METTL15: variants seen among roughly 807,000 people sequenced by gnomAD.
METTL15 encodes methyltransferase 15, mitochondrial 12S rRNA N4-cytidine.
Under a neutral mutation model 38.3 loss-of-function variants are expected in METTL15, and 34 were observed. The observed-to-expected ratio is 0.89, with a 90% confidence interval of 0.68 to 1.18. METTL15 has a LOEUF of 1.18. Ranked by LOEUF, METTL15 falls within the 50% of genes most tolerant of loss-of-function variation. The pLI, the probability that METTL15 is intolerant of heterozygous loss-of-function variation, is 0.00. For missense variants in METTL15, 438 were observed against 498.4 expected (o/e 0.88, Z 1.15); for synonymous variants, 162 against 170.9 (o/e 0.95, Z 0.41).
chr11:28,197,517 C>T (rs1160632404), intron 3 of METTL15: 4 of 446,218 alleles, frequency 9.0e-6, no homozygotes, highest in African/African-American at 4.0e-5. Flanking sequence ...TATTTATTTC[C>T]ATTTACACAC....
intron 6 of METTL15, among the ~76,000 whole-genome samples, chr11:28,442,778 G>A (rs1035558027): frequency 1.3e-5 from 2 of 151,926 alleles, no homozygotes; most frequent in Non-Finnish European, 2.9e-5. Context: ...GTTGGTTTTC[G>A]GTTGAGGGAA....
At chr11:28,116,751 A>G (rs572561021) in intron 3 of METTL15, among the ~76,000 whole-genome samples, 1 of 152,314 alleles carries the variant, frequency 6.6e-6, no homozygotes, top group African/African-American at 2.4e-5. Flanking sequence ...TAAATCCAGC[A>G]TTCTTTAAAA....
chr11:28,298,313 A>G (rs1394448693), intron 6 of METTL15, among the ~76,000 whole-genome samples: 1 of 152,112 alleles, frequency 6.6e-6, no homozygotes, highest in Non-Finnish European at 1.5e-5. Flanking sequence ...AAAGAAAAGC[A>G]GTGAGAAGTG....
intron 5 of METTL15, among the ~76,000 whole-genome samples, chr11:28,385,090 G>C (rs1850426773): frequency 6.6e-6 from 1 of 152,122 alleles, no homozygotes; most frequent in African/African-American, 2.4e-5. Context: ...CCATTATGTA[G>C]GTTGTCTGTT....
chr11:28,454,452 A>G (rs745632069), intron 6 of METTL15, among the ~76,000 whole-genome samples: 1 of 152,156 alleles, frequency 6.6e-6, no homozygotes, highest in African/African-American at 2.4e-5. Flanking sequence ...GCCTCTTGGG[A>G]GACATATTTA....
At position 28,443,418 on chromosome 11, in the gene METTL15, A is replaced by C. The variant is rs889215693; in HGVS notation, c.*424+19054A>C. Among the ~76,000 whole-genome samples, 3 of 152,246 alleles carry C rather than the reference A, an allele frequency of 2.0e-5. No homozygotes were observed. The South Asian group carries it at 6.2e-4, about 32-fold the overall frequency. ...TCTGTTCCCTATCTGTATGCTCTTC[A>C]TAGTGATATCATCAAGTCAGATGGC... On this transcript the variant is annotated intron_variant and NMD_transcript_variant, in intron 6 of 7. Transcript: ENST00000532947.
At chr11:28,200,987 C>T (rs1268221442) in intron 3 of METTL15, among the ~76,000 whole-genome samples, 1 of 152,036 alleles carries the variant, frequency 6.6e-6, no homozygotes, top group Non-Finnish European at 1.5e-5. Context: ...TTGTCTTGTA[C>T]TGGTTTTCAA....
intron 3 of METTL15, among the ~76,000 whole-genome samples, chr11:28,347,372 C>T (rs909717856): frequency 5.3e-5 from 8 of 152,190 alleles, no homozygotes; most frequent in Admixed American, 2.6e-4. Flanking sequence ...GCTGAACATA[C>T]GACCCAACCA....
At chr11:28,477,065 G>A (rs1030588264) in intron 6 of METTL15, among the ~76,000 whole-genome samples, 5 of 152,242 alleles carry the variant, frequency 3.3e-5, no homozygotes, top group East Asian at 1.9e-4. Context: ...GCTTAGCCAC[G>A]TTAATGGGAG....
chr11:28,342,665 C>A (rs1364963943), intron 3 of METTL15, among the ~76,000 whole-genome samples: 2 of 152,136 alleles, frequency 1.3e-5, no homozygotes, highest in East Asian at 3.9e-4. Context: ...ATAACCAAAT[C>A]AATAACAGGT....
intron 3 of METTL15, among the ~76,000 whole-genome samples, chr11:28,138,387 A>T (rs1264608878): frequency 6.6e-6 from 1 of 152,186 alleles, no homozygotes; most frequent in African/African-American, 2.4e-5. Flanking sequence ...ATCCTTTTAA[A>T]TCCCTCATTA....
chr11:28,358,738 A>G (rs998112166), intron 4 of METTL15, among the ~76,000 whole-genome samples: 1 of 152,210 alleles, frequency 6.6e-6, no homozygotes, highest in African/African-American at 2.4e-5. Flanking sequence ...TCCAAAACCT[A>G]GCATGGAATC....
chr11:28,306,930 AT>A (rs1857102053), intron 6 of METTL15, among the ~76,000 whole-genome samples: 1 of 151,966 alleles, frequency 6.6e-6, no homozygotes, highest in Non-Finnish European at 1.5e-5. Flanking sequence ...AAATTATGGA[AT>A]ATCTAGGAAA....
intron 4 of METTL15, among the ~76,000 whole-genome samples, chr11:28,278,949 C>CT (rs1855945688): frequency 6.6e-6 from 1 of 152,124 alleles, no homozygotes; most frequent in Non-Finnish European, 1.5e-5. Flanking sequence ...ACCTCAGCCT[C>CT]TTGAGTAGCT....
At chr11:28,240,072 T>C (rs1243371110) in intron 4 of METTL15, among the ~76,000 whole-genome samples, 1 of 152,072 alleles carries the variant, frequency 6.6e-6, no homozygotes, top group Admixed American at 6.5e-5. Flanking sequence ...GCAACAAACA[T>C]AGCAAGTAAA....
chr11:28,268,605 T>TA (rs1434059711), intron 4 of METTL15, among the ~76,000 whole-genome samples: 4 of 152,294 alleles, frequency 2.6e-5, no homozygotes, highest in African/African-American at 9.6e-5. Flanking sequence ...TTTTTCAACT[T>TA]AACAGTTTCA....
chr11:28,242,051 G>A (rs192811285), intron 4 of METTL15, among the ~76,000 whole-genome samples: 16 of 152,280 alleles, frequency 1.1e-4, no homozygotes, highest in Non-Finnish European at 1.8e-4. Context: ...CAAAAGCAGG[G>A]AAGCTAGAAA....
At chr11:28,185,582 G>A (rs974203192) in intron 3 of METTL15, among the ~76,000 whole-genome samples, 1 of 151,132 alleles carries the variant, frequency 6.6e-6, no homozygotes, top group East Asian at 1.9e-4. Context: ...TTCAGTTTGC[G>A]GTGAAACAAA....
chr11:28,324,563 G>C (rs1244153119), intron 6 of METTL15, among the ~76,000 whole-genome samples: 1 of 152,312 alleles, frequency 6.6e-6, no homozygotes, highest in East Asian at 1.9e-4. Flanking sequence ...GGAAATTGCT[G>C]GCAAATTTGA....
Sources: allele counts gnomAD v4.1 joint callset (sites outside exome capture counted in the v4.1 genomes callset), GRCh38; gene constraint gnomAD v4.1.1; transcripts MANE v1.5; gene names NCBI Gene and HGNC (gene_info 2026-07-23, HGNC 2026-07-21).